NXPH1: variants seen among roughly 807,000 people sequenced by gnomAD.
NXPH1 encodes the protein neurexophilin-1.
NXPH1 carries 5 observed loss-of-function variants against 23.7 expected under a neutral mutation model. The observed-to-expected ratio is 0.21, with a 90% CI of 0.11 to 0.44. The LOEUF is 0.44. NXPH1 is among the 20% of genes least tolerant of loss of function. NXPH1 has a pLI of 0.99. For synonymous variants in NXPH1, 144 were observed against 122.2 expected, an observed-to-expected ratio of 1.18 and a Z score of -1.18; for missense variants, 324 against 321.6, an observed-to-expected ratio of 1.01 and a Z score of -0.06.
chr7:8,520,872 C>T (rs2128615612), intron 2 of NXPH1, among the ~76,000 whole-genome samples: 1 of 152,180 alleles, frequency 6.6e-6, no homozygotes, highest in East Asian at 1.9e-4. Flanking sequence ...TTCATTCTGT[C>T]CTTATAAAGC....
chr7:8,559,992 G>A (rs1161830967), intron 2 of NXPH1, among the ~76,000 whole-genome samples: 1 of 151,664 alleles, frequency 6.6e-6, no homozygotes, highest in African/African-American at 2.4e-5. Flanking sequence ...AATGGTAACG[G>A]TAGAGCCATG....
At chr7:8,561,838 C>T (rs899070143) in intron 2 of NXPH1, among the ~76,000 whole-genome samples, 6 of 151,452 alleles carry the variant, frequency 4.0e-5, no homozygotes, top group African/African-American at 9.7e-5. Flanking sequence ...TGCAGAAAGT[C>T]GGCAAACAAT....
At chr7:8,724,244 T>C (rs1780013995) in intron 2 of NXPH1, among the ~76,000 whole-genome samples, 1 of 152,192 alleles carries the variant, frequency 6.6e-6, no homozygotes, top group East Asian at 1.9e-4. Context: ...AGTGACACAA[T>C]CCTGTCTTTC....
At chr7:8,722,770 C>A (rs1250684118) in intron 2 of NXPH1, among the ~76,000 whole-genome samples, 2 of 152,134 alleles carry the variant, frequency 1.3e-5, no homozygotes, top group East Asian at 1.9e-4. Flanking sequence ...TGGTAACGAA[C>A]CTTCATCACA....
intron 2 of NXPH1, among the ~76,000 whole-genome samples, chr7:8,482,379 T>A (rs1355584358): frequency 6.6e-6 from 1 of 152,108 alleles, no homozygotes; most frequent in Non-Finnish European, 1.5e-5. Context: ...CCCACTTCTG[T>A]TTTTAGCAGG....
chr7:8,573,871 A>G (rs1584242060), intron 2 of NXPH1, among the ~76,000 whole-genome samples: 1 of 152,160 alleles, frequency 6.6e-6, no homozygotes, highest in Non-Finnish European at 1.5e-5. Context: ...ACCTTATTGA[A>G]CATAAATTGA....
intron 2 of NXPH1, among the ~76,000 whole-genome samples, chr7:8,623,553 C>G (rs1405121513): frequency 6.6e-6 from 1 of 151,026 alleles, no homozygotes; most frequent in Non-Finnish European, 1.5e-5. Flanking sequence ...TCATAGTTAA[C>G]AAACAAAAAA....
At chr7:8,737,496 G>T (rs1780281495) in intron 2 of NXPH1, among the ~76,000 whole-genome samples, 1 of 152,196 alleles carries the variant, frequency 6.6e-6, no homozygotes, top group African/African-American at 2.4e-5. Flanking sequence ...TCTGCAGAGA[G>T]ATCCACTCTT....
In NXPH1 at chr7:8,642,158, T is replaced by C. The variant is rs559314247; in HGVS notation, c.55-108850T>C. 2.6e-5 allele frequency among the ~76,000 whole-genome samples: 4 copies of C among 152,338 alleles called. No homozygotes were observed. In the East Asian group the frequency reaches 7.7e-4, roughly 29 times the overall value. ...CAATTAGCTTCCTTAAAAAGGGTGTTTTGAAGATCCTTTTTACGGGTACTT... is the reference window on the plus strand; with the variant it reads ...CAATTAGCTTCCTTAAAAAGGGTGTCTTGAAGATCCTTTTTACGGGTACTT... On this transcript the variant is annotated intron_variant, in intron 2 of 2. Transcript: ENST00000405863.
At chr7:8,585,869 A>G (rs1000878368) in intron 2 of NXPH1, among the ~76,000 whole-genome samples, 1 of 152,136 alleles carries the variant, frequency 6.6e-6, no homozygotes, top group Non-Finnish European at 1.5e-5. Context: ...GGAGGGCTTT[A>G]TTGAGCTTTG....
At chr7:8,498,599 A>AT (rs112586126) in intron 2 of NXPH1, among the ~76,000 whole-genome samples, 2,559 of 152,044 alleles carry the variant, frequency 0.017, 85 homozygotes, top group African/African-American at 0.058. Context: ...ATAGTCTCTC[A>AT]TTTTTTTGTT....
chr7:8,747,521 A>C (rs988715736), intron 2 of NXPH1, among the ~76,000 whole-genome samples: 1 of 152,196 alleles, frequency 6.6e-6, no homozygotes, highest in African/African-American at 2.4e-5. Flanking sequence ...AAAGCATCTC[A>C]ATACAGCCCT....
chr7:8,476,887 T>C (rs770118377), intron 2 of NXPH1, among the ~76,000 whole-genome samples: 1 of 152,160 alleles, frequency 6.6e-6, no homozygotes, highest in Non-Finnish European at 1.5e-5. Context: ...AACAACCATA[T>C]AGAACTATTC....
At chr7:8,529,128 G>A (rs1817911389) in intron 2 of NXPH1, among the ~76,000 whole-genome samples, 1 of 152,158 alleles carries the variant, frequency 6.6e-6, no homozygotes, top group South Asian at 2.1e-4. Context: ...TCTCACCCTG[G>A]TTGTCTCTCT....
rs1009004955 is a variant in NXPH1, at chr7:8,433,869, T to C, written c.-997T>C. The C allele has an allele frequency of 1.3e-5, 2 of 152,416 alleles. No homozygotes were observed. The highest frequency in any genetic ancestry group is 4.8e-5 in the African/African-American group (2 of 41,428). The allele number at this position is 152,416 out of a possible 1,614,324, so 9.4% of individuals were successfully genotyped here. ...ACACCGCGGGAGCCACTTGTCCCTG[T>C]GGGCCCAGCCCGCGAGAGCCTGAGA... On this transcript the variant is annotated 5_prime_UTR_variant, in exon 1 of 3. Transcript: ENST00000405863. The surrounding 1 kb of genome is among the most constrained non-coding windows in gnomAD (Gnocchi z 6.8).
At chr7:8,745,090 C>T (rs986900241) in intron 2 of NXPH1, among the ~76,000 whole-genome samples, 3 of 152,220 alleles carry the variant, frequency 2.0e-5, no homozygotes, top group Admixed American at 2.0e-4. Context: ...AGCACCTTTA[C>T]GATTTGGCCG....
chr7:8,584,136 C>T (rs2128624216), intron 2 of NXPH1, among the ~76,000 whole-genome samples: 1 of 152,230 alleles, frequency 6.6e-6, no homozygotes, highest in East Asian at 1.9e-4. Flanking sequence ...CTATTATTAT[C>T]CTAATTTTAT....
chr7:8,512,124 C>A lies in NXPH1; in HGVS notation c.54+76357C>A, dbSNP rs182265352. On this transcript the variant is annotated intron_variant, in intron 2 of 2. Coordinates refer to ENST00000405863, the MANE Select transcript of NXPH1 (RefSeq NM_152745.3). ...TTCTGAAGGAGATGACAGGAAGGAA[C>A]CAGAGGGATTGCTGTGGCTCCTCTC... is the stretch of plus-strand genomic sequence containing the variant. Among the ~76,000 whole-genome samples, 47 of 152,180 alleles carry A rather than the reference C, an allele frequency of 3.1e-4. No individual in the cohort carries two copies. In the East Asian group the frequency reaches 7.9e-3, roughly 26 times the overall value.
intron 2 of NXPH1, among the ~76,000 whole-genome samples, chr7:8,705,776 G>A (rs891638205): frequency 6.6e-6 from 1 of 152,144 alleles, no homozygotes; most frequent in Non-Finnish European, 1.5e-5. Context: ...AAGATCATCA[G>A]TGTATCTTTA....
Sources: gnomAD v4.1 joint callset for allele counts (sites outside exome capture counted in the v4.1 genomes callset) on GRCh38, gnomAD v4.1.1 for gene constraint, Gnocchi (gnomAD v3.1) non-coding constraint, MANE v1.5 for transcripts, NCBI Gene and HGNC (gene_info 2026-07-23, HGNC 2026-07-21) for gene names.